PRKCZ: variants seen among roughly 807,000 people sequenced by gnomAD.
The protein encoded by PRKCZ is protein kinase C zeta type.
In PRKCZ, 33 loss-of-function variants were observed where a neutral mutation model predicts 79.5. The ratio of observed to expected loss-of-function variants is 0.41; its 90% confidence interval spans 0.31 to 0.55. The LOEUF is 0.55. Among genes scored for constraint, PRKCZ ranks in the 20% least tolerant of loss-of-function variants. PRKCZ has a pLI of 0.19. For synonymous variants in PRKCZ, 342 were observed against 320.9 expected, an observed-to-expected ratio of 1.07 and a Z score of -0.70; for missense variants, 578 against 813.5, an observed-to-expected ratio of 0.71 and a Z score of 3.52.
rs143026573 is a variant in PRKCZ, at chr1:2,159,849, C to T, written c.974+3757C>T. Among the ~76,000 whole-genome samples, 168 of 152,286 alleles carry T rather than the reference C, an allele frequency of 1.1e-3. 1 individual carries two copies. The highest frequency in any genetic ancestry group is 3.9e-3 in the African/African-American group (163 of 41,566). ...GAAATGAGCCATAAAGTCTCCAAAA[C>T]GAGAAATCGCTTCAGTTTAAGCTAT... On this transcript the variant is annotated intron_variant, in intron 10 of 17. Transcript: ENST00000378567.
At chr1:2,052,266 C>A (rs1158737150) in intron 1 of PRKCZ, among the ~76,000 whole-genome samples, 1 of 152,246 alleles carries the variant, frequency 6.6e-6, no homozygotes, top group Non-Finnish European at 1.5e-5. Flanking sequence ...TTCTGGGCCG[C>A]CCCGTCCTCC....
chr1:2,126,859 C>T (rs1571645462), intron 4 of PRKCZ, among the ~76,000 whole-genome samples: 1 of 152,236 alleles, frequency 6.6e-6, no homozygotes, highest in East Asian at 1.9e-4. Flanking sequence ...CTCCTGGGTC[C>T]CTTATCCACC....
intron 4 of PRKCZ, among the ~76,000 whole-genome samples, chr1:2,089,273 T>C (rs921885670): frequency 1.1e-4 from 16 of 152,076 alleles, no homozygotes; most frequent in Admixed American, 5.2e-4. Context: ...GGGGCCTGCA[T>C]GGGTAGAAAC....
chr1:2,110,781 T>G (rs1182778261), intron 4 of PRKCZ, among the ~76,000 whole-genome samples: 7 of 134,000 alleles, frequency 5.2e-5, no homozygotes, highest in South Asian at 4.6e-4. Flanking sequence ...GGGGCTGGGG[T>G]GGGGCTGGTG....
chr1:2,051,398 G>A (rs1659637570), intron 1 of PRKCZ, among the ~76,000 whole-genome samples: 1 of 152,190 alleles, frequency 6.6e-6, no homozygotes, highest in African/African-American at 2.4e-5. Context: ...GGGCTCACAG[G>A]CACAGCGGAG....
At chr1:2,083,718 G>T (rs1473052531) in intron 4 of PRKCZ, among the ~76,000 whole-genome samples, 2 of 152,076 alleles carry the variant, frequency 1.3e-5, no homozygotes, top group East Asian at 3.9e-4. Flanking sequence ...GTGAATTCCA[G>T]TGTGTCAGGA....
intron 16 of PRKCZ, among the ~76,000 whole-genome samples, chr1:2,175,647 C>T (rs1019317989): frequency 9.2e-5 from 14 of 151,882 alleles, no homozygotes; most frequent in Admixed American, 6.6e-5. Context: ...GCTCGCGCAC[C>T]GCCGGGCTGG....
At position 2,175,454 on chromosome 1, in the gene PRKCZ, A is replaced by G. The variant is rs1685282801; in HGVS notation, c.1575+141A>G. 42 of 632,666 alleles carry G rather than the reference A, an allele frequency of 6.6e-5. No homozygotes were observed. In the South Asian group the frequency reaches 8.0e-4, roughly 12 times the overall value. The allele number at this position is 632,666 out of a possible 1,614,324, so 39.2% of individuals were successfully genotyped here. ...AACCCCAATATCCATCCCAACCCCA[A>G]ATTCATCCAACCCTCACCCCACCAC... On this transcript the variant is annotated intron_variant, in intron 16 of 17. Transcript: ENST00000378567.
intron 4 of PRKCZ, among the ~76,000 whole-genome samples, chr1:2,114,048 G>A (rs867786042): frequency 2.4e-4 from 37 of 152,248 alleles, no homozygotes; most frequent in Admixed American, 4.6e-4. Flanking sequence ...TGCGTGTGGC[G>A]CGTGGGTGAG....
intron 9 of PRKCZ, among the ~76,000 whole-genome samples, chr1:2,155,101 G>C (rs1216290314): frequency 6.6e-6 from 1 of 152,180 alleles, no homozygotes; most frequent in African/African-American, 2.4e-5. Context: ...TGGTGAAGAT[G>C]ATGGTGATGA....
intron 1 of PRKCZ, among the ~76,000 whole-genome samples, chr1:2,052,637 C>T (rs1032001475): frequency 1.8e-4 from 28 of 152,128 alleles, no homozygotes; most frequent in Middle Eastern, 6.8e-3. Flanking sequence ...CCCTTCTCCC[C>T]GTTCTGGCTC....
intron 4 of PRKCZ, among the ~76,000 whole-genome samples, chr1:2,105,057 C>T (rs1668139626): frequency 6.6e-6 from 1 of 152,200 alleles, no homozygotes; most frequent in Non-Finnish European, 1.5e-5. Context: ...GCATAGCCAA[C>T]ATTGTTGAGA....
chr1:2,140,224 G>A (rs951577002), intron 5 of PRKCZ, among the ~76,000 whole-genome samples: 19 of 152,332 alleles, frequency 1.2e-4, no homozygotes, highest in Admixed American at 1.0e-3. Context: ...ATCTGAGCTC[G>A]CAATGGAAAA....
chr1:2,080,270 T>C (rs1033596257), intron 4 of PRKCZ, among the ~76,000 whole-genome samples: 5 of 132,818 alleles, frequency 3.8e-5, no homozygotes, highest in African/African-American at 2.1e-4. Flanking sequence ...TGACGCTTTC[T>C]GAAGGCTAAA....
At chr1:2,137,925 C>T (rs957081831) in intron 5 of PRKCZ, among the ~76,000 whole-genome samples, 4 of 152,212 alleles carry the variant, frequency 2.6e-5, no homozygotes, top group Admixed American at 6.5e-5. Flanking sequence ...GAGGCCAAGG[C>T]GAGAGTGGCC....
intron 4 of PRKCZ, among the ~76,000 whole-genome samples, chr1:2,099,392 G>A (rs1667076045): frequency 6.6e-6 from 1 of 152,200 alleles, no homozygotes; most frequent in African/African-American, 2.4e-5. Flanking sequence ...ACCGCCCCTT[G>A]CTAATGGGCG....
intron 8 of PRKCZ, among the ~76,000 whole-genome samples, chr1:2,150,197 G>A (rs1159922896): frequency 6.7e-6 from 1 of 148,870 alleles, no homozygotes; most frequent in East Asian, 2.0e-4. Context: ...AATCCATTTT[G>A]CCGCACAGAA....
At chr1:2,180,527 CGTG>C (rs1321898278) in intron 16 of PRKCZ, among the ~76,000 whole-genome samples, 3 of 151,926 alleles carry the variant, frequency 2.0e-5, no homozygotes, top group Non-Finnish European at 2.9e-5. Flanking sequence ...GCACAGATGA[CGTG>C]GACGCACGGA....
chr1:2,069,654 G>A (rs1412663657), intron 4 of PRKCZ, among the ~76,000 whole-genome samples: 1 of 152,166 alleles, frequency 6.6e-6, no homozygotes, highest in African/African-American at 2.4e-5. Context: ...GGTGGGTGGT[G>A]GGCGGTCCCC....
Sources: gnomAD v4.1 joint callset for allele counts (sites outside exome capture counted in the v4.1 genomes callset) on GRCh38, gnomAD v4.1.1 for gene constraint, MANE v1.5 for transcripts, NCBI Gene and HGNC (gene_info 2026-07-23, HGNC 2026-07-21) for gene names.